Variants in CC2D1A observed in about 807,000 individuals in gnomAD.
CC2D1A encodes coiled-coil and C2 domain-containing protein 1A.
A neutral mutation model predicts 123.8 loss-of-function variants in CC2D1A; 68 were observed. The observed-to-expected ratio is 0.55, with a 90% CI of 0.45 to 0.67. The LOEUF is 0.67. Among genes scored for constraint, CC2D1A ranks in the 30% least tolerant of loss-of-function variants. CC2D1A has a pLI of 0.00. For missense variants in CC2D1A, 1,185 were observed against 1,290.3 expected (o/e 0.92, Z 1.25); for synonymous variants, 477 against 528.0 (o/e 0.90, Z 1.32).
At chr19:13,913,692 G>A in intron 6 of CC2D1A, 54 bp downstream of exon 6, 1 of 1,374,348 alleles carries the variant, frequency 7.3e-7, no homozygotes, top group South Asian at 1.4e-5. Context: ...CCATCTGGCA[G>A]GATGCTGCTC....
chr19:13,921,564 A>C (rs1162516383), intron 14 of CC2D1A, among the ~76,000 whole-genome samples: 1 of 151,944 alleles, frequency 6.6e-6, no homozygotes. Flanking sequence ...TCATAATAGG[A>C]AACATTTGAG....
chr19:13,927,213 A>C lies in CC2D1A; in HGVS notation c.2264A>C (p.Gln755Pro). Residue 755 changes from glutamine to proline, a missense_variant, in exon 22 of 29, where the codon CAG becomes CCG. Physicochemically the swap from Gln to Pro is moderately conservative, Grantham distance 76. Coordinates refer to ENST00000318003, the MANE Select transcript of CC2D1A (RefSeq NM_017721.5). ...ACTGACCGGGTGCTGGGGACAGCCC[A>C]GCTGAAGCTGGATGCACTGGAGATA... ...FKTDRVLGTA[Q>P]LKLDALEIAC... 1 of 1,614,134 alleles carries C rather than the reference A, an allele frequency of 6.2e-7. No homozygotes were observed. Among genetic ancestry groups the C allele is most frequent in the Middle Eastern group, 1.6e-4 (1 of 6,062 alleles).
Position 13,919,205 on chromosome 19 carries a change from A to G in CC2D1A, c.1222+3A>G. 1 of 1,610,484 alleles carries G rather than the reference A, an allele frequency of 6.2e-7. No homozygotes were observed. The highest frequency in any genetic ancestry group is 8.5e-7 in the Non-Finnish European group (1 of 1,178,452). On this transcript the variant is annotated splice_donor_region_variant and intron_variant, in intron 11 of 28. Coordinates refer to ENST00000318003, the MANE Select transcript of CC2D1A (RefSeq NM_017721.5). Reference sequence around the variant, plus strand: ...CGCTGAATTGCCCGTGCCCCCAGGTAGGCCTTGCCCCTGTAGGCCTCGCCC... The same window carrying G: ...CGCTGAATTGCCCGTGCCCCCAGGTGGGCCTTGCCCCTGTAGGCCTCGCCC...
chr19:13,920,260 T>TA (rs565445596), intron 12 of CC2D1A: 34,842 of 412,358 alleles, frequency 0.084, 155 homozygotes, highest in Middle Eastern at 0.12. Flanking sequence ...CCAAGACAAT[T>TA]AAAAAAAAAA....
intron 17 of CC2D1A, among the ~76,000 whole-genome samples, chr19:13,925,974 GTGTATA>G (rs1971595929): frequency 9.2e-6 from 1 of 108,726 alleles, no homozygotes; most frequent in African/African-American, 4.5e-5. Context: ...GTATATATAT[GTGTATA>G]TATATATACA....
At position 13,926,659 on chromosome 19, in the gene CC2D1A, G is replaced by GC; in HGVS notation, c.2015-5dup. On this transcript the variant is annotated splice_region_variant and splice_polypyrimidine_tract_variant and intron_variant, in intron 18 of 28. Transcript: ENST00000318003. ...CTCTGCCCAGCTCTGACCGTTGTTT[G>GC]CCCACAGGACTGTCCCCTGGCGATC... is the stretch of plus-strand genomic sequence containing the variant. 1.9e-6 allele frequency: 3 copies of GC among 1,614,154 alleles called. No homozygotes were observed. In the Middle Eastern group the frequency reaches 4.9e-4, roughly 266 times the overall value.
At chr19:13,909,165 G>A (rs1172291939) in intron 1 of CC2D1A, among the ~76,000 whole-genome samples, 1 of 152,028 alleles carries the variant, frequency 6.6e-6, no homozygotes, top group Non-Finnish European at 1.5e-5. Flanking sequence ...GAGGTCAGGA[G>A]ATCGAGACCA....
intron 6 of CC2D1A, among the ~76,000 whole-genome samples, chr19:13,916,862 T>G (rs796090094): frequency 2.0e-5 from 3 of 152,300 alleles, no homozygotes; most frequent in African/African-American, 7.2e-5. Context: ...GTGTCTTTAT[T>G]GTACTGTGTT....
chr19:13,911,904 A>G (rs1395614816), intron 2 of CC2D1A, among the ~76,000 whole-genome samples: 1 of 151,628 alleles, frequency 6.6e-6, no homozygotes, highest in Non-Finnish European at 1.5e-5. Context: ...TGTAGTAGAG[A>G]CGGGGTTTCA....
intron 17 of CC2D1A, 75 bp from the exon 18 acceptor site, chr19:13,926,442 G>A: frequency 7.0e-7 from 1 of 1,418,556 alleles, no homozygotes; most frequent in South Asian, 1.2e-5. Flanking sequence ...TGGGGGAAGA[G>A]AAGGCAGGCG....
rs914974030 is a variant in CC2D1A at position 13,906,579 on chromosome 19, C to G, written c.60+78C>G. 8 of 930,214 alleles carry G rather than the reference C, an allele frequency of 8.6e-6. No homozygotes were observed. Among genetic ancestry groups the G allele is most frequent in the Non-Finnish European group, 1.5e-6 (1 of 664,598 alleles). The allele number at this position is 930,214 out of a possible 1,614,324, so 57.6% of individuals were successfully genotyped here. A position where few individuals can be genotyped will look rare whatever the true frequency, so the allele number is the denominator to read the frequency against. On this transcript the variant is annotated intron_variant, in intron 1 of 28. Coordinates refer to ENST00000318003, the MANE Select transcript of CC2D1A (RefSeq NM_017721.5). This position sits in a 1 kb window ranked among gnomAD's most constrained non-coding sequence, Gnocchi z 4.1. ...TCGCTCAGGGAAGGGCCCCACCCCC[C>G]AGGGAAGCCCGATCTCCGCCCCACA... is the stretch of plus-strand genomic sequence containing the variant.
At chr19:13,925,931 A>ATATATAT (rs1404458742) in intron 17 of CC2D1A, among the ~76,000 whole-genome samples, 5 of 98,156 alleles carry the variant, frequency 5.1e-5, no homozygotes, top group African/African-American at 3.0e-4. Context: ...AAAAAAAAAA[A>ATATATAT]AAATATATAT....
chr19:13,927,369 C>G (rs1437007637), intron 22 of CC2D1A, 104 bp downstream of exon 22: 1 of 911,674 alleles, frequency 1.1e-6, no homozygotes, highest in East Asian at 2.6e-5. Context: ...TGTCTGTTGA[C>G]CCAGCCCCTC....
chr19:13,926,720 A>G lies in CC2D1A; in HGVS notation c.2068A>G (p.Asn690Asp). ...TGTTCGGTTTGACTTCCCCTATCCC[A>G]ACGTGGTACGTGGGGAGCTGAGGAG... ...VFVRFDFPYP[N>D]VEEAQKDKTS... is the part of the protein sequence containing the mutation. Residue 690 changes from asparagine (N) to aspartate (D), a missense_variant, in exon 19 of 29, where the codon AAC becomes GAC. Physicochemically the swap from Asn to Asp is conservative, Grantham distance 23. Coordinates refer to ENST00000318003, the MANE Select transcript of CC2D1A (RefSeq NM_017721.5). 1 of 1,613,992 alleles carries G rather than the reference A, an allele frequency of 6.2e-7. No individual in the cohort carries two copies. The highest frequency in any genetic ancestry group is 8.5e-7 in the Non-Finnish European group (1 of 1,179,976).
intron 2 of CC2D1A, among the ~76,000 whole-genome samples, chr19:13,911,406 C>A (rs989472932): frequency 6.6e-6 from 1 of 152,180 alleles, no homozygotes; most frequent in African/African-American, 2.4e-5. Context: ...CTCCAACCTA[C>A]CTATGAAGGA....
intron 14 of CC2D1A, among the ~76,000 whole-genome samples, chr19:13,921,603 C>T (rs1971412359): frequency 6.6e-6 from 1 of 151,574 alleles, no homozygotes; most frequent in Non-Finnish European, 1.5e-5. Flanking sequence ...CAGCAAAGGC[C>T]ACCCAGTTTA....
At position 13,930,488 on chromosome 19, in the gene CC2D1A, T is replaced by C; in HGVS notation, c.*93T>C. 3 of 1,392,872 alleles carry C rather than the reference T, an allele frequency of 2.2e-6. No homozygotes were observed. Among genetic ancestry groups the C allele is most frequent in the Non-Finnish European group, 2.9e-6 (3 of 1,040,770 alleles). 86.3% of individuals were successfully genotyped at this position (1,392,872 alleles called of 1,614,324 possible). A position where few individuals can be genotyped will look rare whatever the true frequency, so the allele number is the denominator to read the frequency against. ...AGCCACGAACCAGACAAGCAGACAA[T>C]CAGCGGACAATCGGTTCTGGACTCA... On this transcript the variant is annotated 3_prime_UTR_variant, in exon 29 of 29. Transcript: ENST00000318003. This position sits in a 1 kb window ranked among gnomAD's most constrained non-coding sequence, Gnocchi z 6.8.
chr19:13,917,724 A>G (rs1971254194), intron 6 of CC2D1A, among the ~76,000 whole-genome samples: 1 of 151,230 alleles, frequency 6.6e-6, no homozygotes, highest in Admixed American at 6.6e-5. Context: ...CACACCTATA[A>G]TCCCAGCACT....
Position 13,918,535 on chromosome 19 carries a change from G to C in CC2D1A, c.905G>C (p.Arg302Pro). 1 of 1,613,762 alleles carries C rather than the reference G, an allele frequency of 6.2e-7. No homozygotes were observed. Among genetic ancestry groups the C allele is most frequent in the Non-Finnish European group, 8.5e-7 (1 of 1,179,960 alleles). The stretch of plus-strand genomic sequence containing the variant: ...GATGCTGTCTTGGAGGCCCTGAGCC[G>C]GGGTGAGCCCGTGGACCTCTCCTGC... Reference protein sequence around the residue: ...SFDAVLEALSRGEPVDLSCLP... With the variant: ...SFDAVLEALSPGEPVDLSCLP... The change falls in exon 8 of 29, where the codon CGG (arginine) becomes CCG (proline). Residue 302 changes from arginine (R) to proline (P), a missense_variant. Physicochemically the swap from Arg to Pro is moderately radical, Grantham distance 103 (BLOSUM62 -2). Coordinates refer to ENST00000318003, the MANE Select transcript of CC2D1A (RefSeq NM_017721.5).
Sources: allele counts gnomAD v4.1 joint callset (sites outside exome capture counted in the v4.1 genomes callset), GRCh38; gene constraint gnomAD v4.1.1; non-coding constraint Gnocchi (gnomAD v3.1); transcripts MANE v1.5; gene names NCBI Gene and HGNC (gene_info 2026-07-23, HGNC 2026-07-21).